The following CNTN4 variants were observed in gnomAD, a reference collection of about 807,000 sequenced individuals.
The protein encoded by CNTN4 is contactin-4.
A neutral mutation model predicts 122.5 loss-of-function variants in CNTN4; 77 were observed. The observed-to-expected ratio is 0.63, with a 90% CI of 0.52 to 0.76. The LOEUF (loss-of-function observed/expected upper bound fraction) is 0.76, where lower values mean the gene tolerates loss of function less well. CNTN4 is among the 30% of genes least tolerant of loss of function. The pLI is 0.00. For missense variants in CNTN4, 1,256 were observed against 1,259.1 expected, an observed-to-expected ratio of 1.00 and a Z score of 0.04; for synonymous variants, 512 against 447.0, an observed-to-expected ratio of 1.15 and a Z score of -1.83.
intron 7 of CNTN4, among the ~76,000 whole-genome samples, chr3:2,828,252 C>G (rs2093029468): frequency 1.3e-5 from 2 of 152,032 alleles, no homozygotes; most frequent in Admixed American, 6.5e-5. Context: ...TCTTGGCCAC[C>G]ACTGAGAGAG....
chr3:2,181,321 T>C (rs982256527), intron 2 of CNTN4, among the ~76,000 whole-genome samples: 3 of 152,018 alleles, frequency 2.0e-5, no homozygotes, highest in African/African-American at 4.8e-5. Flanking sequence ...GGGTACCAGA[T>C]ATGTGGGTAG....
intron 4 of CNTN4, among the ~76,000 whole-genome samples, chr3:2,722,423 C>A (rs149945455): frequency 6.6e-6 from 1 of 152,238 alleles, no homozygotes; most frequent in East Asian, 1.9e-4. Context: ...GTTTCTCAAG[C>A]AAGCAGATGC....
intron 3 of CNTN4, among the ~76,000 whole-genome samples, chr3:2,436,669 T>G (rs914948430): frequency 1.4e-4 from 21 of 152,086 alleles, no homozygotes; most frequent in Admixed American, 4.6e-4. Context: ...CTGACAGCTA[T>G]TTTATATATA....
chr3:2,990,888 T>G (rs1390544830), intron 14 of CNTN4, among the ~76,000 whole-genome samples: 1 of 152,216 alleles, frequency 6.6e-6, no homozygotes, highest in Non-Finnish European at 1.5e-5. Flanking sequence ...TTTTTAAAAT[T>G]TTATTAACTA....
chr3:2,379,871 A>G (rs541440879), intron 3 of CNTN4, among the ~76,000 whole-genome samples: 1 of 152,078 alleles, frequency 6.6e-6, no homozygotes, highest in African/African-American at 2.4e-5. Context: ...CCTGACAAAC[A>G]TGGAGAAACC....
chr3:2,573,898 C>T (rs946366722), intron 4 of CNTN4, among the ~76,000 whole-genome samples: 1 of 152,150 alleles, frequency 6.6e-6, no homozygotes, highest in African/African-American at 2.4e-5. Flanking sequence ...TTACATAGCA[C>T]TCCACTCGCT....
intron 3 of CNTN4, among the ~76,000 whole-genome samples, chr3:2,355,301 G>A (rs1164548430): frequency 2.0e-5 from 3 of 152,172 alleles, no homozygotes; most frequent in Non-Finnish European, 4.4e-5. Context: ...AAATTACAAT[G>A]TTGATCTCAA....
intron 4 of CNTN4, among the ~76,000 whole-genome samples, chr3:2,584,261 A>T (rs986569093): frequency 1.3e-5 from 2 of 152,184 alleles, no homozygotes; most frequent in Admixed American, 6.5e-5. Context: ...GGAATAAAGA[A>T]AAAAGGAAAA....
intron 3 of CNTN4, among the ~76,000 whole-genome samples, chr3:2,538,760 T>C (rs2077912323): frequency 6.6e-6 from 1 of 151,992 alleles, no homozygotes; most frequent in African/African-American, 2.4e-5. Flanking sequence ...TAATCATTCC[T>C]AATGGCAGTT....
intron 3 of CNTN4, among the ~76,000 whole-genome samples, chr3:2,453,430 G>C (rs750671361): frequency 6.6e-6 from 1 of 152,126 alleles, no homozygotes; most frequent in Non-Finnish European, 1.5e-5. Context: ...ATAGCTGCTT[G>C]TTGTTAGTAC....
intron 3 of CNTN4, among the ~76,000 whole-genome samples, chr3:2,486,635 G>T (rs2151629461): frequency 6.6e-6 from 1 of 152,232 alleles, no homozygotes; most frequent in Admixed American, 6.5e-5. Flanking sequence ...ACTTAAAAAT[G>T]AAAATTTATA....
chr3:2,753,946 C>T (rs568885121), intron 6 of CNTN4, among the ~76,000 whole-genome samples: 2 of 152,034 alleles, frequency 1.3e-5, no homozygotes, highest in African/African-American at 4.8e-5. Context: ...TAATTAATAA[C>T]AATATTTCTG....
chr3:2,584,095 C>T (rs1425801408), intron 4 of CNTN4, among the ~76,000 whole-genome samples: 4 of 152,090 alleles, frequency 2.6e-5, no homozygotes, highest in Admixed American at 6.5e-5. Context: ...TAAAATAGCC[C>T]AGTAACTGCC....
intron 3 of CNTN4, among the ~76,000 whole-genome samples, chr3:2,520,342 G>C (rs2077167764): frequency 7.9e-6 from 1 of 125,812 alleles, no homozygotes; most frequent in Non-Finnish European, 1.6e-5. Context: ...GCACAATCTT[G>C]GTTCACTGCA....
intron 12 of CNTN4, among the ~76,000 whole-genome samples, chr3:2,922,608 A>ATTTTTTTTTTTTTTTTTTTTTTTTT (rs547782541): frequency 9.1e-6 from 1 of 110,016 alleles, no homozygotes. Context: ...AAAGAACTTG[A>ATTTTTTTTTTTTTTTTTTTTTTTTT]TTTTTTTTTT....
chr3:2,890,381 A>C (rs1331935336), intron 10 of CNTN4, among the ~76,000 whole-genome samples: 2 of 152,298 alleles, frequency 1.3e-5, no homozygotes, highest in Non-Finnish European at 2.9e-5. Flanking sequence ...GTAGATGATA[A>C]AAGGTGAGAA....
intron 6 of CNTN4, among the ~76,000 whole-genome samples, chr3:2,812,062 C>T (rs937477968): frequency 1.3e-5 from 2 of 152,198 alleles, no homozygotes; most frequent in African/African-American, 4.8e-5. Flanking sequence ...ACTTACAAGT[C>T]GGAGCTAAGA....
chr3:2,206,937 A>G (rs372993837), intron 2 of CNTN4, among the ~76,000 whole-genome samples: 23 of 150,426 alleles, frequency 1.5e-4, no homozygotes, highest in African/African-American at 5.6e-4. Flanking sequence ...GAGCAAGGCT[A>G]TTAGTGACAT....
chr3:2,256,874 T>A (rs1352873201), intron 2 of CNTN4, among the ~76,000 whole-genome samples: 1 of 152,166 alleles, frequency 6.6e-6, no homozygotes. Flanking sequence ...AAAAGTAATT[T>A]ACAGATTCAA....
Sources: allele counts gnomAD v4.1 joint callset (sites outside exome capture counted in the v4.1 genomes callset), GRCh38; gene constraint gnomAD v4.1.1; transcripts MANE v1.5; gene names NCBI Gene and HGNC (gene_info 2026-07-23, HGNC 2026-07-21).